Variants in AGK observed in about 807,000 individuals in gnomAD.
AGK encodes acylglycerol kinase, mitochondrial.
In AGK, 52 loss-of-function variants were observed where a neutral mutation model predicts 66.4. That is an observed-to-expected ratio of 0.78 (90% CI 0.63 to 0.99). The LOEUF is 0.99. Among genes scored for constraint, AGK ranks in the 50% least tolerant of loss-of-function variants. AGK has a pLI of 0.00. For synonymous variants in AGK, 182 were observed against 181.1 expected (o/e 1.00, Z -0.04); for missense variants, 451 against 506.6 (o/e 0.89, Z 1.05).
rs201647632 is a variant in AGK at position 141,596,572 on chromosome 7, A to G, written c.152A>G (p.Asn51Ser). 5.6e-6 allele frequency: 9 copies of G among 1,614,012 alleles called. No individual in the cohort carries two copies. The East Asian group carries it at 1.3e-4, about 24-fold the overall frequency. Residue 51 changes from asparagine (N) to serine (S), a missense_variant, in exon 4 of 16, where the codon AAT (asparagine) becomes AGT (serine). Asn to Ser is a conservative substitution (Grantham distance 46). Coordinates refer to ENST00000649286, the MANE Select transcript of AGK (RefSeq NM_018238.4). ...TCTTTTCTTTTTTAGGTGTTTGGCA[A>G]TCAACTCATTCCTCCCAATGCACAA... ...AACQEAQVFG[N>S]QLIPPNAQVK...
Position 141,555,963 on chromosome 7 carries a change from C to T in AGK, c.101+396C>T, listed in dbSNP as rs894015303. 6.6e-6 allele frequency among the ~76,000 whole-genome samples: 1 copy of T among 152,194 alleles called. No individual in the cohort carries two copies. The highest frequency in any genetic ancestry group is 1.5e-5 in the Non-Finnish European group (1 of 68,038). Reference sequence around the variant, plus strand: ...AGGACGTGCGCCTGCGACACAGCCTCAGGAAGTTCTGATGACACGTGCCCA... The same window carrying T: ...AGGACGTGCGCCTGCGACACAGCCTTAGGAAGTTCTGATGACACGTGCCCA... On this transcript the variant is annotated intron_variant, in intron 2 of 15. Coordinates refer to ENST00000649286, the MANE Select transcript of AGK (RefSeq NM_018238.4). This position sits in a 1 kb window ranked among gnomAD's most constrained non-coding sequence, Gnocchi z 4.2.
At chr7:141,637,699 A>C (rs2117006313) in intron 11 of AGK, among the ~76,000 whole-genome samples, 1 of 152,316 alleles carries the variant, frequency 6.6e-6, no homozygotes, top group Non-Finnish European at 1.5e-5. Context: ...GAAAATTGGC[A>C]GATGGGGTTT....
At chr7:141,582,563 G>T (rs1312898161) in intron 2 of AGK, among the ~76,000 whole-genome samples, 3 of 151,894 alleles carry the variant, frequency 2.0e-5, no homozygotes, top group African/African-American at 7.3e-5. Context: ...CAGGATCTAG[G>T]GCTGTAAAGC....
chr7:141,561,130 A>T (rs1432921082), intron 2 of AGK, among the ~76,000 whole-genome samples: 2 of 152,134 alleles, frequency 1.3e-5, no homozygotes, highest in African/African-American at 4.8e-5. Context: ...GTAGTATTCC[A>T]TGGTGTATAT....
At chr7:141,601,336 C>T in intron 5 of AGK, 56 bp downstream of exon 5, 1 of 1,403,650 alleles carries the variant, frequency 7.1e-7, no homozygotes, top group Non-Finnish European at 9.9e-7. Context: ...TTATAACAAC[C>T]TCTTCTCTTG....
At chr7:141,556,546 A>G (rs1795214652) in intron 2 of AGK, among the ~76,000 whole-genome samples, 1 of 151,876 alleles carries the variant, frequency 6.6e-6, no homozygotes, top group Non-Finnish European at 1.5e-5. Context: ...GTCTCAAAAA[A>G]AAAAAAAAAA....
chr7:141,553,134 G>T (rs1323623090), intron 1 of AGK, among the ~76,000 whole-genome samples: 2 of 152,124 alleles, frequency 1.3e-5, no homozygotes, highest in African/African-American at 4.8e-5. Context: ...TCTCTTCCTC[G>T]GTTTGTAGAG....
chr7:141,636,015 G>C (rs1255204959), intron 10 of AGK, among the ~76,000 whole-genome samples: 1 of 152,204 alleles, frequency 6.6e-6, no homozygotes, highest in Non-Finnish European at 1.5e-5. Flanking sequence ...TTTGTTAACA[G>C]AGATAAGTTT....
rs1019255110 is a variant in AGK, at chr7:141,628,403, C to T, written c.589-5498C>T. Among the ~76,000 whole-genome samples the T allele has an allele frequency of 8.1e-4, 123 of 151,990 alleles. 4 individuals carry two copies. Among genetic ancestry groups the T allele is most frequent in the Admixed American group, 8.0e-3 (122 of 15,248 alleles). On this transcript the variant is annotated intron_variant, in intron 9 of 15. Transcript: ENST00000649286. Reference sequence around the variant, plus strand: ...AAGTTGGATACATTTTCTCTTTTTTCCTTATTTCTGAAAATTAATTTCAGA... The same window carrying T: ...AAGTTGGATACATTTTCTCTTTTTTTCTTATTTCTGAAAATTAATTTCAGA...
chr7:141,625,126 G>A (rs1408635498), intron 9 of AGK, among the ~76,000 whole-genome samples: 3 of 152,024 alleles, frequency 2.0e-5, no homozygotes, highest in Non-Finnish European at 2.9e-5. Flanking sequence ...AAGTTAAGGT[G>A]CATACTTTTT....
chr7:141,618,773 G>T (rs1312148099), intron 8 of AGK, among the ~76,000 whole-genome samples: 1 of 152,114 alleles, frequency 6.6e-6, no homozygotes, highest in African/African-American at 2.4e-5. Context: ...GAGGTGCCCT[G>T]TTTGGTTAGG....
Position 141,555,546 on chromosome 7 carries a change from A to C in AGK, c.80A>C (p.His27Pro), listed in dbSNP as rs768714970. 1 of 1,613,860 alleles carries C rather than the reference A, an allele frequency of 6.2e-7. No homozygotes were observed. The highest frequency in any genetic ancestry group is 1.7e-5 in the Admixed American group (1 of 59,986). Reference sequence around the variant, plus strand: ...CTCTGCCTGCTGACCTGGGGAGGCCATTGGCTCTATGGAAAACACTGGTAA... The same window carrying C: ...CTCTGCCTGCTGACCTGGGGAGGCCCTTGGCTCTATGGAAAACACTGGTAA... ...AGLCLLTWGG[H>P]WLYGKHCDNL... Residue 27 changes from histidine to proline, a missense_variant, in exon 2 of 16, where the codon CAT (histidine) becomes CCT (proline). Coordinates refer to ENST00000649286, the MANE Select transcript of AGK (RefSeq NM_018238.4). The surrounding 1 kb of genome is among the most constrained non-coding windows in gnomAD (Gnocchi z 4.2).
At chr7:141,641,512 G>A in intron 12 of AGK, 114 bp downstream of exon 12, 1 of 1,227,112 alleles carries the variant, frequency 8.1e-7, no homozygotes, top group Non-Finnish European at 1.1e-6. Flanking sequence ...AGCCTCTCAG[G>A]GATCACTGAA....
At chr7:141,562,733 G>T (rs757510382) in intron 2 of AGK, among the ~76,000 whole-genome samples, 15 of 152,182 alleles carry the variant, frequency 9.9e-5, no homozygotes, top group Non-Finnish European at 1.6e-4. Flanking sequence ...TTAGATCCAG[G>T]CAGCCTGTGC....
chr7:141,554,601 A>C (rs1163356424), intron 1 of AGK, among the ~76,000 whole-genome samples: 1 of 152,204 alleles, frequency 6.6e-6, no homozygotes, highest in East Asian at 1.9e-4. Flanking sequence ...TAGGCATGGG[A>C]TACAGCAGTG....
intron 9 of AGK, among the ~76,000 whole-genome samples, chr7:141,623,379 C>CAAAAAAAAAAAAAG (rs1199972182): frequency 1.7e-4 from 9 of 54,220 alleles, no homozygotes; most frequent in African/African-American, 4.6e-4. Flanking sequence ...AACTTTTTCT[C>CAAAAAAAAAAAAAG]AAAAAAAAAA....
chr7:141,561,073 G>A (rs1053620112), intron 2 of AGK, among the ~76,000 whole-genome samples: 4 of 152,186 alleles, frequency 2.6e-5, no homozygotes, highest in East Asian at 1.9e-4. Context: ...GATTACAGGC[G>A]TGAGCCACCG....
chr7:141,560,838 C>A (rs1795330284), intron 2 of AGK, among the ~76,000 whole-genome samples: 1 of 150,040 alleles, frequency 6.7e-6, no homozygotes, highest in Admixed American at 6.6e-5. Context: ...GCTCTGTCGC[C>A]CAGGCTGGAG....
chr7:141,615,691 CTA>C, intron 8 of AGK, 126 bp downstream of exon 8: 1 of 772,210 alleles, frequency 1.3e-6, no homozygotes, highest in Non-Finnish European at 2.2e-6. Context: ...AGAGGAGGAC[CTA>C]GATCAGAGTT....
Sources: allele counts gnomAD v4.1 joint callset (sites outside exome capture counted in the v4.1 genomes callset), GRCh38; gene constraint gnomAD v4.1.1; non-coding constraint Gnocchi (gnomAD v3.1); transcripts MANE v1.5; gene names NCBI Gene and HGNC (gene_info 2026-07-23, HGNC 2026-07-21).